SGCD: variants seen among roughly 807,000 people sequenced by gnomAD.
The protein encoded by SGCD is delta-sarcoglycan.
In SGCD, 18 loss-of-function variants were observed where a neutral mutation model predicts 36.6. The ratio of observed to expected loss-of-function variants is 0.49; its 90% CI spans 0.34 to 0.73. The LOEUF (loss-of-function observed/expected upper bound fraction) is 0.73. Among genes scored for constraint, SGCD ranks in the 30% least tolerant of loss-of-function variants. The pLI is 0.01. For missense variants in SGCD, 387 were observed against 346.7 expected (o/e 1.12, Z -0.92); for synonymous variants, 133 against 130.6 (o/e 1.02, Z -0.12).
chr5:156,587,376 C>G (rs1246974935), intron 4 of SGCD, among the ~76,000 whole-genome samples: 1 of 152,202 alleles, frequency 6.6e-6, no homozygotes, highest in Non-Finnish European at 1.5e-5. Context: ...AAATATACTA[C>G]ACTGTAGGAT....
At chr5:156,640,189 A>G (rs1422830608) in intron 6 of SGCD, among the ~76,000 whole-genome samples, 1 of 151,718 alleles carries the variant, frequency 6.6e-6, no homozygotes, top group African/African-American at 2.4e-5. Context: ...CTTTTTCTTA[A>G]TCACACCCCT....
At chr5:155,750,824 C>T in the SGCD span, among the ~76,000 whole-genome samples, 9 of 152,158 alleles carry the variant, frequency 5.9e-5, no homozygotes, top group African/African-American at 1.9e-4. Flanking sequence ...TTAATTCATC[C>T]CAGTTGTCAT....
chr5:156,490,175 C>T (rs569150477), intron 3 of SGCD, among the ~76,000 whole-genome samples: 2 of 151,912 alleles, frequency 1.3e-5, no homozygotes, highest in East Asian at 1.9e-4. Context: ...ACAGAAAACA[C>T]GAACGGAACA....
chr5:155,829,817 TTGAG>T, the SGCD span, among the ~76,000 whole-genome samples: 1 of 152,070 alleles, frequency 6.6e-6, no homozygotes, highest in Non-Finnish European at 1.5e-5. Flanking sequence ...TATTAGAGGA[TTGAG>T]TGAGAAAACC....
intron 7 of SGCD, among the ~76,000 whole-genome samples, chr5:156,682,742 T>C (rs566114053): frequency 6.6e-6 from 1 of 152,220 alleles, no homozygotes; most frequent in Admixed American, 6.5e-5. Flanking sequence ...CTTCAGGCCT[T>C]TGTGGTATTA....
intron 3 of SGCD, among the ~76,000 whole-genome samples, chr5:156,138,727 G>T (rs1367488177): frequency 6.6e-6 from 1 of 152,224 alleles, no homozygotes. Flanking sequence ...TGAAATTTCT[G>T]TGATGTGGGG....
chr5:156,491,787 T>C (rs1167402493), intron 3 of SGCD, among the ~76,000 whole-genome samples: 1 of 152,128 alleles, frequency 6.6e-6, no homozygotes, highest in Non-Finnish European at 1.5e-5. Flanking sequence ...GCAGTTATCT[T>C]ATTAGTACCT....
At chr5:155,740,827 G>A in the SGCD span, among the ~76,000 whole-genome samples, 1 of 152,186 alleles carries the variant, frequency 6.6e-6, no homozygotes, top group African/African-American at 2.4e-5. Flanking sequence ...AAAATTAAGA[G>A]TTTTGTTTTC....
At chr5:156,189,277 A>C (rs1763834268) in intron 3 of SGCD, among the ~76,000 whole-genome samples, 1 of 152,210 alleles carries the variant, frequency 6.6e-6, no homozygotes, top group South Asian at 2.1e-4. Flanking sequence ...CTGGGGGTTG[A>C]AAATGATTCT....
chr5:156,240,828 C>T (rs1175887532), intron 3 of SGCD, among the ~76,000 whole-genome samples: 2 of 151,994 alleles, frequency 1.3e-5, no homozygotes, highest in African/African-American at 4.8e-5. Flanking sequence ...TAAAAACAAA[C>T]AAAACCAAAA....
At position 155,874,409 on chromosome 5, in the gene SGCD, C is replaced by A. The variant is rs554955323; in HGVS notation, c.-282+3985C>A. On this transcript the variant is annotated intron_variant, in intron 1 of 9. Transcript: ENST00000517913. ...AGACTTTAAAATATGACAAAAAGAA[C>A]ACAAAAGTATAAAGGAAGAAGTCAT... Among the ~76,000 whole-genome samples, 4 of 152,040 alleles carry A rather than the reference C, an allele frequency of 2.6e-5. No homozygotes were observed. The East Asian group carries it at 7.7e-4, about 29-fold the overall frequency.
chr5:156,346,325 G>A (rs1472157030), intron 3 of SGCD, among the ~76,000 whole-genome samples: 1 of 151,968 alleles, frequency 6.6e-6, no homozygotes, highest in Non-Finnish European at 1.5e-5. Context: ...TATAGGCAGG[G>A]TCTCACTTTT....
At chr5:155,914,655 C>T (rs1756700914) in intron 1 of SGCD, among the ~76,000 whole-genome samples, 2 of 152,168 alleles carry the variant, frequency 1.3e-5, no homozygotes, top group Non-Finnish European at 2.9e-5. Flanking sequence ...CACCTCCAAA[C>T]TTCCTACTTT....
At chr5:155,794,528 A>G in the SGCD span, among the ~76,000 whole-genome samples, 1 of 152,140 alleles carries the variant, frequency 6.6e-6, no homozygotes, top group South Asian at 2.1e-4. Context: ...TAAATAATAT[A>G]ACACATTAAT....
chr5:156,184,508 A>C (rs903394456), intron 3 of SGCD, among the ~76,000 whole-genome samples: 1 of 152,042 alleles, frequency 6.6e-6, no homozygotes, highest in African/African-American at 2.4e-5. Flanking sequence ...CAAACTCCTG[A>C]TATTGCAATA....
chr5:155,873,400 T>C (rs921206751), intron 1 of SGCD, among the ~76,000 whole-genome samples: 1 of 152,178 alleles, frequency 6.6e-6, no homozygotes, highest in Non-Finnish European at 1.5e-5. Flanking sequence ...TAACTCATTA[T>C]CTTAAGTGAA....
intron 7 of SGCD, among the ~76,000 whole-genome samples, chr5:156,710,830 G>A (rs1420017559): frequency 6.6e-6 from 1 of 152,078 alleles, no homozygotes; most frequent in Non-Finnish European, 1.5e-5. Flanking sequence ...AAAAGGTGCT[G>A]GACTCTCAGC....
At position 156,508,696 on chromosome 5, in the gene SGCD, C is replaced by A. The variant is rs746179885; in HGVS notation, c.288C>A (p.Ser96=). The change falls in exon 4 of 9, where the codon TCC becomes TCA. Residue 96 remains serine (S), a synonymous_variant. Coordinates refer to ENST00000337851, the MANE Select transcript of SGCD (RefSeq NM_000337.6). ...LQPLYAKEIQ[S]RPGNALYFKS... Reference sequence around the variant, plus strand: ...CTCTCTACGCCAAAGAAATCCAGTCCCGACCAGTAAGTTTCTGCTGAGAGA... The same window carrying A: ...CTCTCTACGCCAAAGAAATCCAGTCACGACCAGTAAGTTTCTGCTGAGAGA... 16 of 1,576,808 alleles carry A rather than the reference C, an allele frequency of 1.0e-5. No individual in the cohort carries two copies. In the Admixed American group the frequency reaches 2.8e-4, roughly 28 times the overall value.
chr5:156,488,144 A>C (rs1426960767), intron 3 of SGCD, among the ~76,000 whole-genome samples: 1 of 148,786 alleles, frequency 6.7e-6, no homozygotes, highest in Non-Finnish European at 1.5e-5. Context: ...AGTTAGACAA[A>C]AAATAAAAAG....
Sources: allele counts gnomAD v4.1 joint callset (sites outside exome capture counted in the v4.1 genomes callset), GRCh38; gene constraint gnomAD v4.1.1; transcripts MANE v1.5; gene names NCBI Gene and HGNC (gene_info 2026-07-23, HGNC 2026-07-21).